CCSER2: variants seen among roughly 807,000 people sequenced by gnomAD.
CCSER2 encodes the protein serine-rich coiled-coil domain-containing protein 2.
CCSER2 carries 46 observed loss-of-function variants against 92.3 expected under a neutral mutation model. The observed-to-expected ratio is 0.50, with a 90% CI of 0.39 to 0.64. The LOEUF (loss-of-function observed/expected upper bound fraction) is 0.64. CCSER2 is among the 30% of genes least tolerant of loss of function. CCSER2 has a pLI of 0.00. For synonymous variants in CCSER2, 433 were observed against 431.4 expected, an observed-to-expected ratio of 1.00 and a Z score of -0.04; for missense variants, 1,244 against 1,238.9, an observed-to-expected ratio of 1.00 and a Z score of -0.06.
intron 3 of CCSER2, among the ~76,000 whole-genome samples, chr10:84,382,782 C>T (rs1840985717): frequency 6.6e-6 from 1 of 152,180 alleles, no homozygotes; most frequent in Non-Finnish European, 1.5e-5. Flanking sequence ...GTTTTATCAG[C>T]CTTGCCTTAT....
intron 3 of CCSER2, among the ~76,000 whole-genome samples, chr10:84,392,962 T>C (rs1841609738): frequency 2.6e-5 from 4 of 152,128 alleles, no homozygotes; most frequent in Admixed American, 2.6e-4. Flanking sequence ...GAAAGTAATT[T>C]AAATTAGTGG....
intron 6 of CCSER2, among the ~76,000 whole-genome samples, chr10:84,453,127 G>A (rs1845396728): frequency 6.6e-6 from 1 of 151,548 alleles, no homozygotes; most frequent in Non-Finnish European, 1.5e-5. Context: ...TAGTTGTCTT[G>A]GGCTGTCCCA....
chr10:84,389,187 C>T (rs1196158418), intron 3 of CCSER2: 7 of 336,504 alleles, frequency 2.1e-5, no homozygotes, highest in Admixed American at 1.0e-4. Context: ...CATTCTACCG[C>T]ACCACTGTTT....
intron 6 of CCSER2, among the ~76,000 whole-genome samples, chr10:84,450,879 T>C (rs1010772985): frequency 1.3e-5 from 2 of 152,222 alleles, no homozygotes; most frequent in Admixed American, 6.5e-5. Flanking sequence ...AAAAAGATTG[T>C]GTAAGATACA....
chr10:84,402,981 A>T (rs1418878459), intron 3 of CCSER2, among the ~76,000 whole-genome samples: 1 of 152,234 alleles, frequency 6.6e-6, no homozygotes, highest in Admixed American at 6.5e-5. Context: ...TATATAAAAA[A>T]GCAAGGGAAC....
chr10:84,457,264 A>ATTATATATTATAT, intron 6 of CCSER2, among the ~76,000 whole-genome samples: 1 of 27,982 alleles, frequency 3.6e-5, no homozygotes, highest in South Asian at 9.9e-4. Context: ...TATAAAATAT[A>ATTATATATTATAT]TTATATATAA....
At chr10:84,513,329 C>A in intron 9 of CCSER2, 120 bp from the exon 10 acceptor site, 1 of 749,154 alleles carries the variant, frequency 1.3e-6, no homozygotes, top group Non-Finnish European at 2.1e-6. Context: ...TTAAAAGAAA[C>A]TCCACATATT....
rs59244448 is a variant in CCSER2 at position 84,420,932 on chromosome 10, C to CA, written c.1705+3088dup. ...TGGGCGACAGAGCGAGACTCCATCT[C>CA]AAAAAAAAAAAAAAAAAGGTTTAGA... On this transcript the variant is annotated intron_variant, in intron 4 of 9. Transcript: ENST00000372088. 9.6e-3 allele frequency among the ~76,000 whole-genome samples: 808 copies of CA among 84,590 alleles called. 4 individuals carry two copies. The highest frequency in any genetic ancestry group is 0.026 in the African/African-American group (557 of 21,486). 55.5% of individuals were successfully genotyped at this position (84,590 alleles called of 152,430 possible).
At chr10:84,482,313 G>T (rs1270588168) in intron 9 of CCSER2, among the ~76,000 whole-genome samples, 2 of 152,092 alleles carry the variant, frequency 1.3e-5, no homozygotes, top group Non-Finnish European at 2.9e-5. Context: ...GCGAAAAGAA[G>T]AATAACAATA....
At position 84,516,328 on chromosome 10, in the gene CCSER2, C is replaced by G. The variant is rs1000044661; in HGVS notation, c.*2061C>G. 2 of 152,204 alleles carry G rather than the reference C, an allele frequency of 1.3e-5. No individual in the cohort carries two copies. The highest frequency in any genetic ancestry group is 4.8e-5 in the African/African-American group (2 of 41,448). The allele number at this position is 152,204 out of a possible 1,614,324, so 9.4% of individuals were successfully genotyped here. ...CTTCTGATGGAGAAGCAGTGAAGTT[C>G]AGAACGTTCTTCACATAGTCCAGAT... On this transcript the variant is annotated 3_prime_UTR_variant, in exon 10 of 10. Transcript: ENST00000372088.
At chr10:84,350,195 G>A (rs974763726) in intron 1 of CCSER2, among the ~76,000 whole-genome samples, 3 of 152,008 alleles carry the variant, frequency 2.0e-5, no homozygotes, top group Non-Finnish European at 2.9e-5. Context: ...ATCGCATCAC[G>A]CTCGTTTATA....
At chr10:84,394,753 T>C (rs1462560229) in intron 3 of CCSER2, among the ~76,000 whole-genome samples, 1 of 151,968 alleles carries the variant, frequency 6.6e-6, no homozygotes, top group Non-Finnish European at 1.5e-5. Context: ...TTAAATATTA[T>C]AAATATTTCT....
At chr10:84,427,950 G>A (rs1189696669) in intron 5 of CCSER2, among the ~76,000 whole-genome samples, 1 of 152,168 alleles carries the variant, frequency 6.6e-6, no homozygotes, top group Non-Finnish European at 1.5e-5. Context: ...CACTTCTAAA[G>A]GAAGTGATTG....
chr10:84,435,630 A>G (rs1224017483), intron 5 of CCSER2, among the ~76,000 whole-genome samples: 1 of 117,740 alleles, frequency 8.5e-6, no homozygotes, highest in African/African-American at 3.3e-5. Context: ...TTCCTTACCC[A>G]TTCAGTGCAA....
intron 3 of CCSER2, chr10:84,389,411 G>A: frequency 2.0e-6 from 1 of 495,550 alleles, no homozygotes; most frequent in Non-Finnish European, 4.0e-6. Flanking sequence ...TTCCTTGAGG[G>A]CTTTGATGAT....
intron 3 of CCSER2, among the ~76,000 whole-genome samples, chr10:84,396,197 G>C (rs1463734586): frequency 3.3e-5 from 5 of 149,634 alleles, no homozygotes; most frequent in African/African-American, 1.2e-4. Flanking sequence ...GTGTGTGTGT[G>C]TGTGTGTGTG....
chr10:84,338,928 C>A (rs1031803435), intron 1 of CCSER2, among the ~76,000 whole-genome samples: 2 of 152,078 alleles, frequency 1.3e-5, no homozygotes, highest in Non-Finnish European at 2.9e-5. Context: ...AGTGTTGGAG[C>A]ATCATTACAG....
At chr10:84,480,090 G>A (rs924599591) in intron 9 of CCSER2, among the ~76,000 whole-genome samples, 12 of 152,108 alleles carry the variant, frequency 7.9e-5, no homozygotes, top group African/African-American at 2.9e-4. Context: ...TGTCACCCAG[G>A]CTAGAGTGCA....
intron 1 of CCSER2, among the ~76,000 whole-genome samples, chr10:84,348,213 G>A (rs1844643467): frequency 6.6e-6 from 1 of 152,254 alleles, no homozygotes; most frequent in South Asian, 2.1e-4. Context: ...CACCTCGGGA[G>A]GCCGAGGCTG....
Sources: gnomAD v4.1 joint callset for allele counts (sites outside exome capture counted in the v4.1 genomes callset) on GRCh38, gnomAD v4.1.1 for gene constraint, MANE v1.5 for transcripts, NCBI Gene and HGNC (gene_info 2026-07-23, HGNC 2026-07-21) for gene names.